The following MACROD2 variants were observed in gnomAD, a reference collection of about 807,000 sequenced individuals.
MACROD2 encodes the protein ADP-ribose glycohydrolase MACROD2.
Under a neutral mutation model 70.4 loss-of-function variants are expected in MACROD2, and 36 were observed. The observed-to-expected ratio is 0.51, with a 90% CI of 0.39 to 0.68. The LOEUF (loss-of-function observed/expected upper bound fraction) is 0.68, where lower values mean the gene tolerates loss of function less well. Among genes scored for constraint, MACROD2 ranks in the 30% least tolerant of loss-of-function variants. The pLI is 0.00. For synonymous variants in MACROD2, 172 were observed against 178.8 expected, an observed-to-expected ratio of 0.96 and a Z score of 0.30; for missense variants, 496 against 538.4, an observed-to-expected ratio of 0.92 and a Z score of 0.78.
intron 4 of MACROD2, among the ~76,000 whole-genome samples, chr20:14,494,294 C>G (rs1309540312): frequency 6.6e-6 from 1 of 151,964 alleles, no homozygotes; most frequent in African/African-American, 2.4e-5. Flanking sequence ...CTTGCTCTTT[C>G]TTTTTTCTTA....
intron 3 of MACROD2, among the ~76,000 whole-genome samples, chr20:14,178,324 C>T (rs760715831): frequency 2.6e-5 from 4 of 151,980 alleles, no homozygotes; most frequent in Non-Finnish European, 5.9e-5. Context: ...TAATCATGTA[C>T]AATCATAATG....
At chr20:14,175,616 A>C (rs562479555) in intron 3 of MACROD2, among the ~76,000 whole-genome samples, 90 of 152,348 alleles carry the variant, frequency 5.9e-4, no homozygotes, top group Middle Eastern at 6.8e-3. Flanking sequence ...TGTCAAAGAC[A>C]CAGGGTGCTA....
chr20:15,552,861 T>G, intron 8 of MACROD2: 1 of 152,206 alleles, frequency 6.6e-6, no homozygotes, highest in Admixed American at 6.5e-5. Flanking sequence ...TACCCTCTCG[T>G]TAAAACTCCT....
chr20:15,574,352 C>T (rs970640918), intron 8 of MACROD2, among the ~76,000 whole-genome samples: 5 of 152,088 alleles, frequency 3.3e-5, no homozygotes, highest in African/African-American at 1.2e-4. Flanking sequence ...GGAATATATT[C>T]CAGAGACACA....
Position 15,781,977 on chromosome 20 carries a change from A to C in MACROD2, c.646-80768A>C, listed in dbSNP as rs575389019. On this transcript the variant is annotated intron_variant, in intron 8 of 17. Coordinates refer to ENST00000684519, the MANE Select transcript of MACROD2 (RefSeq NM_001351661.2). Reference sequence around the variant, plus strand: ...ATATGGCTAAAGAGATAGATTACAGAGATGAAGTCTGGTATTCATAGAGAT... The same window carrying C: ...ATATGGCTAAAGAGATAGATTACAGCGATGAAGTCTGGTATTCATAGAGAT... Among the ~76,000 whole-genome samples the C allele has an allele frequency of 2.6e-5, 4 of 152,270 alleles. No individual in the cohort carries two copies. The East Asian group carries it at 7.7e-4, about 29-fold the overall frequency.
chr20:15,509,353 G>A (rs1233012593), intron 8 of MACROD2, among the ~76,000 whole-genome samples: 2 of 152,098 alleles, frequency 1.3e-5, no homozygotes, highest in Non-Finnish European at 2.9e-5. Context: ...CCAGTGCTGA[G>A]GAGAGACTAA....
rs1358456724 is a variant in MACROD2, at chr20:14,862,212, TATATATATAA to T, written c.418+177272_418+177281del. Among the ~76,000 whole-genome samples, 8 of 7,820 alleles carry T rather than the reference TATATATATAA, an allele frequency of 1.0e-3. 1 individual carries two copies. The highest frequency in any genetic ancestry group is 4.1e-3 in the Admixed American group (2 of 484). 5.1% of individuals were successfully genotyped at this position (7,820 alleles called of 152,430 possible). Reference sequence around the variant, plus strand: ...ATTTATACATAAATATATAAATATATATATATATAAATATATATAAATATATATTTATATA... The same window carrying T: ...ATTTATACATAAATATATAAATATATATATATATAAATATATATTTATATA... On this transcript the variant is annotated intron_variant, in intron 5 of 17. Coordinates refer to ENST00000684519, the MANE Select transcript of MACROD2 (RefSeq NM_001351661.2).
At chr20:14,169,929 T>G (rs1468556757) in intron 3 of MACROD2, among the ~76,000 whole-genome samples, 1 of 152,134 alleles carries the variant, frequency 6.6e-6, no homozygotes, top group Non-Finnish European at 1.5e-5. Flanking sequence ...AGTCTCGCTC[T>G]GTCGCCCAGG....
chr20:15,789,248 A>G (rs2051980728), intron 8 of MACROD2, among the ~76,000 whole-genome samples: 1 of 152,214 alleles, frequency 6.6e-6, no homozygotes, highest in African/African-American at 2.4e-5. Context: ...TTTAGCTTCT[A>G]AAGAATAGCC....
chr20:15,053,844 G>C (rs1312236142), intron 5 of MACROD2, among the ~76,000 whole-genome samples: 50 of 152,224 alleles, frequency 3.3e-4, no homozygotes, highest in Non-Finnish European at 1.9e-4. Flanking sequence ...CACCATTCTA[G>C]ATGTTATTAA....
chr20:14,328,477 A>G (rs931686916), intron 3 of MACROD2, among the ~76,000 whole-genome samples: 6 of 152,092 alleles, frequency 3.9e-5, no homozygotes, highest in Admixed American at 3.9e-4. Context: ...CAAAGTATAG[A>G]TTTATACTGA....
At chr20:14,914,194 A>G (rs2074062630) in intron 5 of MACROD2, among the ~76,000 whole-genome samples, 1 of 152,166 alleles carries the variant, frequency 6.6e-6, no homozygotes, top group Non-Finnish European at 1.5e-5. Context: ...AATTTGCTGT[A>G]ATAACTGATC....
chr20:15,365,936 A>T (rs1019667980), intron 6 of MACROD2, among the ~76,000 whole-genome samples: 1 of 152,170 alleles, frequency 6.6e-6, no homozygotes, highest in Non-Finnish European at 1.5e-5. Context: ...AGGAGAAGTA[A>T]TTGAAATGTC....
At chr20:15,751,081 C>T (rs956154152) in intron 8 of MACROD2, among the ~76,000 whole-genome samples, 4 of 151,720 alleles carry the variant, frequency 2.6e-5, no homozygotes, top group Admixed American at 2.6e-4. Flanking sequence ...GATTCTATTG[C>T]ACAGATAAAC....
At chr20:14,614,292 G>C (rs964118108) in intron 4 of MACROD2, among the ~76,000 whole-genome samples, 7 of 152,126 alleles carry the variant, frequency 4.6e-5, no homozygotes, top group African/African-American at 1.7e-4. Flanking sequence ...CTTGGGGTAA[G>C]TGCTTAAAAC....
chr20:15,529,271 C>CGTGTGT lies in MACROD2; in HGVS notation c.645+29434_645+29439dup, dbSNP rs140068832. On this transcript the variant is annotated intron_variant, in intron 8 of 17. Transcript: ENST00000684519. ...TTCTAAATATGTGCTCTGTGGGATG[C>CGTGTGT]GTGTGTGTGTGTGTGCATGCCTGTG... Among the ~76,000 whole-genome samples the CGTGTGT allele has an allele frequency of 3.7e-3, 547 of 149,520 alleles. 3 individuals are homozygous for CGTGTGT. The highest frequency in any genetic ancestry group is 0.013 in the African/African-American group (518 of 40,860).
chr20:15,308,634 A>G (rs2077721810), intron 6 of MACROD2, among the ~76,000 whole-genome samples: 1 of 152,218 alleles, frequency 6.6e-6, no homozygotes, highest in Non-Finnish European at 1.5e-5. Context: ...AGGTCCACTT[A>G]CTTGCCAAAT....
At chr20:14,771,664 CACACACATATATAT>C (rs1030649409) in intron 5 of MACROD2, among the ~76,000 whole-genome samples, 9 of 132,238 alleles carry the variant, frequency 6.8e-5, no homozygotes, top group Non-Finnish European at 1.3e-4. Context: ...CACACACACA[CACACACATATATAT>C]ATATATTTAA....
chr20:15,128,539 C>T lies in MACROD2; in HGVS notation c.419-101401C>T, dbSNP rs910813024. Among the ~76,000 whole-genome samples the T allele has an allele frequency of 5.5e-4, 84 of 152,130 alleles. 1 individual carries two copies. The highest frequency in any genetic ancestry group is 1.9e-3 in the African/African-American group (80 of 41,526). On this transcript the variant is annotated intron_variant, in intron 5 of 17. Transcript: ENST00000684519. ...AATATGAGAGAATTGTATTTTAATACTCTGAGGTAGGATCAAGCTACTTTC... is the reference window on the plus strand; with the variant it reads ...AATATGAGAGAATTGTATTTTAATATTCTGAGGTAGGATCAAGCTACTTTC...
Sources: allele counts gnomAD v4.1 joint callset (sites outside exome capture counted in the v4.1 genomes callset), GRCh38; gene constraint gnomAD v4.1.1; transcripts MANE v1.5; gene names NCBI Gene and HGNC (gene_info 2026-07-23, HGNC 2026-07-21).